Variants in MASP2 observed in about 807,000 individuals in gnomAD.
MASP2 encodes the protein mannan-binding lectin serine protease 2.
MASP2 carries 49 observed loss-of-function variants against 57.1 expected under a neutral mutation model. The ratio of observed to expected loss-of-function variants is 0.86; its 90% CI spans 0.68 to 1.09. The LOEUF (loss-of-function observed/expected upper bound fraction) is 1.09. MASP2 is among the 50% of genes least tolerant of loss of function. The pLI, the probability that MASP2 is intolerant of heterozygous loss-of-function variation, is 0.00. For missense variants in MASP2, 900 were observed against 874.8 expected (o/e 1.03, Z -0.36); for synonymous variants, 379 against 340.8 (o/e 1.11, Z -1.24).
chr1:11,030,720 C>T (rs1203078958), intron 9 of MASP2, 28 bp downstream of exon 9: 9 of 1,566,170 alleles, frequency 5.7e-6, no homozygotes, highest in Non-Finnish European at 7.8e-6. Flanking sequence ...AAGTATTGCC[C>T]ACCCCCAACT....
chr1:11,040,445 C>A (rs1375696625), intron 6 of MASP2, among the ~76,000 whole-genome samples: 1 of 123,870 alleles, frequency 8.1e-6, no homozygotes, highest in Admixed American at 9.5e-5. Context: ...TCCAGCCTGG[C>A]AACAGAGCAA....
Position 11,027,234 on chromosome 1 carries a change from G to A in MASP2, c.1712C>T (p.Ser571Phe). The A allele has an allele frequency of 6.2e-7, 1 of 1,614,188 alleles. No individual in the cohort carries two copies. Among genetic ancestry groups the A allele is most frequent in the African/African-American group, 1.3e-5 (1 of 75,058 alleles). Residue 571 changes from serine to phenylalanine, a missense_variant, in exon 11 of 11, where the codon TCT becomes TTT. Physicochemically the swap from Ser to Phe is radical, Grantham distance 155 (BLOSUM62 -2). Coordinates refer to ENST00000400897, the MANE Select transcript of MASP2 (RefSeq NM_006610.4). ...FMRTDDIGTASGWGLTQRGFL... is the reference protein window; with the variant it reads ...FMRTDDIGTAFGWGLTQRGFL... ...ACCCCTTTGGGTTAATCCCCATCCA[G>A]ATGCAGTTCCAATGTCATCTGTCCT...
At chr1:11,028,697 GTTTTTTTTCTTTT>G (rs1643782309) in intron 10 of MASP2, among the ~76,000 whole-genome samples, 2 of 36,178 alleles carry the variant, frequency 5.5e-5, no homozygotes, top group African/African-American at 2.6e-4. Context: ...ATCTTTCTGG[GTTTTTTTTCTTTT>G]TTTTTTTTTT....
At chr1:11,028,728 T>G (rs1220791553) in intron 10 of MASP2, among the ~76,000 whole-genome samples, 2 of 147,500 alleles carry the variant, frequency 1.4e-5, no homozygotes, top group Non-Finnish European at 3.0e-5. Context: ...TTTTTTTTTT[T>G]TTTGAGACAG....
intron 7 of MASP2, among the ~76,000 whole-genome samples, chr1:11,036,498 G>A (rs1315027790): frequency 9.6e-6 from 1 of 103,774 alleles, no homozygotes; most frequent in South Asian, 3.9e-4. Context: ...GCGACAGAGC[G>A]AGACTCCGTC....
At chr1:11,028,698 T>A (rs1056158442) in intron 10 of MASP2, among the ~76,000 whole-genome samples, 3 of 28,536 alleles carry the variant, frequency 1.1e-4, no homozygotes, top group Non-Finnish European at 1.1e-4. Flanking sequence ...TCTTTCTGGG[T>A]TTTTTTTCTT....
At chr1:11,029,985 C>G (rs1643814826) in intron 10 of MASP2, 191 bp downstream of exon 10, 3 of 492,078 alleles carry the variant, frequency 6.1e-6, no homozygotes, top group African/African-American at 2.0e-5. Flanking sequence ...ATGACTGATG[C>G]AGTCAGCACC....
At chr1:11,040,436 C>T (rs1329487472) in intron 6 of MASP2, among the ~76,000 whole-genome samples, 2 of 142,972 alleles carry the variant, frequency 1.4e-5, no homozygotes, top group Admixed American at 7.2e-5. Flanking sequence ...CCACTGCACT[C>T]CAGCCTGGCA....
At chr1:11,031,260 A>C (rs949409706) in intron 8 of MASP2, among the ~76,000 whole-genome samples, 1 of 151,804 alleles carries the variant, frequency 6.6e-6, no homozygotes, top group Non-Finnish European at 1.5e-5. Context: ...GCGATGGCTC[A>C]TGCCTGTAAT....
At chr1:11,030,717 G>A (rs767345788) in intron 9 of MASP2, 31 bp downstream of exon 9, 2 of 1,565,980 alleles carry the variant, frequency 1.3e-6, no homozygotes, top group Non-Finnish European at 1.7e-6. Context: ...TCCAAGTATT[G>A]CCCACCCCCA....
chr1:11,036,555 A>G (rs1419072093), intron 7 of MASP2, among the ~76,000 whole-genome samples: 6 of 147,360 alleles, frequency 4.1e-5, no homozygotes, highest in Non-Finnish European at 7.5e-5. Flanking sequence ...AAAAGAAACT[A>G]AAGAAGTCTG....
In MASP2 at chr1:11,027,133, G is replaced by C. The variant is rs762309624; in HGVS notation, c.1813C>G (p.Pro605Ala). 6.2e-7 allele frequency: 1 copy of C among 1,612,728 alleles called. No homozygotes were observed. Among genetic ancestry groups the C allele is most frequent in the Admixed American group, 1.7e-5 (1 of 59,800 alleles). Residue 605 changes from proline (P) to alanine (A), a missense_variant, in exon 11 of 11, where the codon CCA becomes GCA. Coordinates refer to ENST00000400897, the MANE Select transcript of MASP2 (RefSeq NM_006610.4). ...GTTACACTTCCCCTTGGATAGGGTGGCTTTTCATATGCAGCAGTACATTTT... is the reference window on the plus strand; with the variant it reads ...GTTACACTTCCCCTTGGATAGGGTGCCTTTTCATATGCAGCAGTACATTTT... Reference protein sequence around the residue: ...HQKCTAAYEKPPYPRGSVTAN... With the variant: ...HQKCTAAYEKAPYPRGSVTAN...
chr1:11,030,504 GTTAAA>G lies in MASP2; in HGVS notation c.1222+239_1222+243del, dbSNP rs377236757. 254 of 573,418 alleles carry G rather than the reference GTTAAA, an allele frequency of 4.4e-4. 1 individual carries two copies. The highest frequency in any genetic ancestry group is 1.8e-3 in the Middle Eastern group (4 of 2,178). The allele number at this position is 573,418 out of a possible 1,614,324, so 35.5% of individuals were successfully genotyped here. ...GTGCTTAATGATAAGGTGTTGACTT[GTTAAA>G]TTAAACCATTTGGAATACATTGTGT... On this transcript the variant is annotated intron_variant, in intron 9 of 10. Transcript: ENST00000400897.
chr1:11,034,771 T>C (rs1424963288), intron 8 of MASP2, 57 bp downstream of exon 8: 3 of 1,111,064 alleles, frequency 2.7e-6, no homozygotes, highest in Non-Finnish European at 3.9e-6. Context: ...GCAGCAACAG[T>C]AGCAGCAGAG....
chr1:11,041,159 G>GT (rs1236596906), intron 6 of MASP2, among the ~76,000 whole-genome samples: 1 of 137,726 alleles, frequency 7.3e-6, no homozygotes, highest in African/African-American at 2.7e-5. Flanking sequence ...AGAAGGAAGG[G>GT]TAGATGGGTA....
chr1:11,026,893 C>T lies in MASP2; in HGVS notation c.2053G>A (p.Asp685Asn), dbSNP rs141174563. Residue 685 changes from aspartate to asparagine, a missense_variant, in exon 11 of 11, where the codon GAT (aspartate) becomes AAT (asparagine). Asp to Asn is a conservative substitution (Grantham distance 23). Transcript: ENST00000400897. ...YIPWIENIIS[D>N]F Reference sequence around the variant, plus strand: ...GACTGCAGACACGCAAGTTAAAAATCACTAATTATGTTCTCGATCCAGGGA... The same window carrying T: ...GACTGCAGACACGCAAGTTAAAAATTACTAATTATGTTCTCGATCCAGGGA... 178 of 1,476,224 alleles carry T rather than the reference C, an allele frequency of 1.2e-4. No individual in the cohort carries two copies. The African/African-American group carries it at 2.1e-3, about 17-fold the overall frequency. The allele number at this position is 1,476,224 out of a possible 1,614,324, so 91.4% of individuals were successfully genotyped here.
intron 3 of MASP2, 143 bp downstream of exon 3, chr1:11,046,413 T>C: frequency 1.1e-6 from 1 of 886,730 alleles, no homozygotes; most frequent in Admixed American, 2.1e-5. Flanking sequence ...GGTCTTTGCA[T>C]TGTGGATGAT....
At chr1:11,043,112 G>A in intron 5 of MASP2, 90 bp from the exon 6 acceptor site, 3 of 1,436,946 alleles carry the variant, frequency 2.1e-6, no homozygotes, top group Middle Eastern at 2.2e-4. Context: ...GCATTTCAGG[G>A]ACAGCCAATG....
At chr1:11,030,275 A>C in intron 9 of MASP2, 25 bp from the exon 10 acceptor site, 1 of 1,528,838 alleles carries the variant, frequency 6.5e-7, no homozygotes, top group South Asian at 1.1e-5. Context: ...AAAAGCAAAA[A>C]TGTTTAACTG....
Sources: gnomAD v4.1 joint callset for allele counts (sites outside exome capture counted in the v4.1 genomes callset) on GRCh38, gnomAD v4.1.1 for gene constraint, MANE v1.5 for transcripts, NCBI Gene and HGNC (gene_info 2026-07-23, HGNC 2026-07-21) for gene names.